Variants in ADGRB3 observed in about 807,000 individuals in gnomAD.
ADGRB3 encodes brain-specific angiogenesis inhibitor 3.
In ADGRB3, 37 loss-of-function variants were observed where a neutral mutation model predicts 193.4. That is an observed-to-expected ratio of 0.19 (90% CI 0.15 to 0.25). The LOEUF (loss-of-function observed/expected upper bound fraction) is 0.25. ADGRB3 is among the 10% of genes least tolerant of loss of function. ADGRB3 has a pLI of 1.00. For synonymous variants in ADGRB3, 690 were observed against 644.2 expected (o/e 1.07, Z -1.08); for missense variants, 1,637 against 1,852.9 (o/e 0.88, Z 2.14).
intron 20 of ADGRB3, among the ~76,000 whole-genome samples, chr6:69,315,971 C>G (rs1768301548): frequency 6.6e-6 from 1 of 151,268 alleles, no homozygotes; most frequent in South Asian, 2.1e-4. Context: ...TGCTTCGCTT[C>G]AGTATTCTGT....
intron 20 of ADGRB3, among the ~76,000 whole-genome samples, chr6:69,248,450 G>C (rs1313937476): frequency 6.6e-6 from 1 of 152,222 alleles, no homozygotes; most frequent in Non-Finnish European, 1.5e-5. Context: ...GAGGTGAAGA[G>C]AGTAGAATTT....
intron 26 of ADGRB3, among the ~76,000 whole-genome samples, chr6:69,344,996 T>G (rs1434538082): frequency 7.1e-6 from 1 of 140,480 alleles, no homozygotes; most frequent in Non-Finnish European, 1.5e-5. Flanking sequence ...ACCCTAGTGA[T>G]TTTTTTTTTT....
At chr6:69,117,960 CCT>C (rs1440978370) in intron 17 of ADGRB3, among the ~76,000 whole-genome samples, 13 of 152,062 alleles carry the variant, frequency 8.5e-5, no homozygotes, top group Non-Finnish European at 8.8e-5. Context: ...GTTTTTCTCC[CCT>C]GTTTTTCTGC....
chr6:68,688,367 T>A (rs2127300815), intron 3 of ADGRB3, among the ~76,000 whole-genome samples: 1 of 151,676 alleles, frequency 6.6e-6, no homozygotes, highest in South Asian at 2.1e-4. Context: ...TATTTTCTCT[T>A]TTAACTTAAA....
chr6:69,266,061 G>A (rs1767033541), intron 20 of ADGRB3, among the ~76,000 whole-genome samples: 1 of 151,720 alleles, frequency 6.6e-6, no homozygotes, highest in African/African-American at 2.4e-5. Context: ...GATTTTATTT[G>A]TTTGTTTTTT....
intron 3 of ADGRB3, among the ~76,000 whole-genome samples, chr6:68,702,202 G>A (rs576555448): frequency 2.2e-5 from 3 of 134,830 alleles, no homozygotes; most frequent in Admixed American, 7.5e-5. Context: ...AAGAACAGGA[G>A]CGAGAAAGAG....
chr6:69,384,035 G>A (rs2127240421), intron 31 of ADGRB3, among the ~76,000 whole-genome samples: 1 of 152,130 alleles, frequency 6.6e-6, no homozygotes, highest in South Asian at 2.1e-4. Context: ...CTTCGGAAGA[G>A]CTGAAGAGTA....
At chr6:68,920,914 T>C (rs1434088548) in intron 3 of ADGRB3, among the ~76,000 whole-genome samples, 2 of 152,222 alleles carry the variant, frequency 1.3e-5, no homozygotes, top group African/African-American at 4.8e-5. Context: ...ACCCAAATTA[T>C]TGTCTTGGTT....
At chr6:69,166,317 A>G (rs1021383889) in intron 17 of ADGRB3, among the ~76,000 whole-genome samples, 2 of 152,096 alleles carry the variant, frequency 1.3e-5, no homozygotes, top group Non-Finnish European at 2.9e-5. Flanking sequence ...AGGGAAGACC[A>G]CATGGCCTTT....
intron 8 of ADGRB3, among the ~76,000 whole-genome samples, chr6:68,972,885 A>G (rs1768628514): frequency 6.6e-6 from 1 of 152,144 alleles, no homozygotes; most frequent in East Asian, 1.9e-4. Context: ...AGAAGGTGAG[A>G]AAAGTCAAAA....
intron 17 of ADGRB3, among the ~76,000 whole-genome samples, chr6:69,106,669 A>T (rs1197458029): frequency 2.6e-5 from 4 of 152,240 alleles, no homozygotes; most frequent in African/African-American, 9.6e-5. Flanking sequence ...AAAGCCTGAA[A>T]AGGCACTTTC....
rs1266113466 is a variant in ADGRB3 at position 69,217,978 on chromosome 6, C to G, written c.2481-15312C>G. Among the ~76,000 whole-genome samples, 18 of 150,366 alleles carry G rather than the reference C, an allele frequency of 1.2e-4. No homozygotes were observed. In the Admixed American group the frequency reaches 1.2e-3, roughly 10 times the overall value. On this transcript the variant is annotated intron_variant, in intron 17 of 31. Transcript: ENST00000370598. ...CACTCTTAAACAAGGATGCAAAGCT[C>G]TCATATCTGGGAGGTCTTGAGATAT...
intron 10 of ADGRB3, among the ~76,000 whole-genome samples, chr6:68,992,404 A>G (rs1769261893): frequency 1.3e-5 from 2 of 152,154 alleles, no homozygotes; most frequent in Non-Finnish European, 2.9e-5. Context: ...TTGAGGGTTC[A>G]TGTCCTTCTT....
At chr6:68,711,569 C>T (rs1765409457) in intron 3 of ADGRB3, among the ~76,000 whole-genome samples, 1 of 152,028 alleles carries the variant, frequency 6.6e-6, no homozygotes, top group Non-Finnish European at 1.5e-5. Flanking sequence ...TGCCAACATC[C>T]GTGTTTTGTT....
At chr6:68,864,701 G>A (rs1765243530) in intron 3 of ADGRB3, among the ~76,000 whole-genome samples, 1 of 152,170 alleles carries the variant, frequency 6.6e-6, no homozygotes, top group African/African-American at 2.4e-5. Context: ...TGTGAAAACA[G>A]CATCTCCTTT....
intron 20 of ADGRB3, among the ~76,000 whole-genome samples, chr6:69,253,967 T>C (rs1345956002): frequency 6.6e-6 from 1 of 151,996 alleles, no homozygotes; most frequent in Non-Finnish European, 1.5e-5. Flanking sequence ...TGTAGAAAGT[T>C]AAGAAATGAG....
chr6:68,747,404 T>C (rs1766105763), intron 3 of ADGRB3, among the ~76,000 whole-genome samples: 1 of 151,934 alleles, frequency 6.6e-6, no homozygotes, highest in African/African-American at 2.4e-5. Flanking sequence ...TGTGGCAGAG[T>C]TTGTGCTAAT....
chr6:68,773,114 TAAAC>T (rs1314045937), intron 3 of ADGRB3, among the ~76,000 whole-genome samples: 1 of 151,430 alleles, frequency 6.6e-6, no homozygotes, highest in Non-Finnish European at 1.5e-5. Flanking sequence ...GGATCTGTCT[TAAAC>T]AAACAAACAA....
intron 3 of ADGRB3, among the ~76,000 whole-genome samples, chr6:68,883,649 A>G (rs763799070): frequency 1.3e-5 from 2 of 152,196 alleles, no homozygotes; most frequent in Non-Finnish European, 2.9e-5. Flanking sequence ...TGTAACACTC[A>G]CCGCAAAGGT....
Sources: allele counts gnomAD v4.1 joint callset (sites outside exome capture counted in the v4.1 genomes callset), GRCh38; gene constraint gnomAD v4.1.1; transcripts MANE v1.5; gene names NCBI Gene and HGNC (gene_info 2026-07-23, HGNC 2026-07-21).